Variants in CRAMP1 observed in about 807,000 individuals in gnomAD.
The protein encoded by CRAMP1 is cramped chromatin regulator 1.
Under a neutral mutation model 115.4 loss-of-function variants are expected in CRAMP1, and 50 were observed. That is an observed-to-expected ratio of 0.43 (90% CI 0.35 to 0.55). The LOEUF (loss-of-function observed/expected upper bound fraction) is 0.55. Among genes scored for constraint, CRAMP1 ranks in the 20% least tolerant of loss-of-function variants. The pLI, the probability that CRAMP1 is intolerant of heterozygous loss-of-function variation, is 0.01. For synonymous variants in CRAMP1, 866 were observed against 745.4 expected (o/e 1.16, Z -2.64); for missense variants, 1,679 against 1,721.7 (o/e 0.98, Z 0.44).
chr16:1,633,747 G>T (rs1335249631), intron 4 of CRAMP1, among the ~76,000 whole-genome samples: 1 of 152,164 alleles, frequency 6.6e-6, no homozygotes, highest in Admixed American at 6.5e-5. Flanking sequence ...TGTGTCGTCT[G>T]TCCTTTGCAT....
rs369476888 is a variant in CRAMP1 at position 1,653,166 on chromosome 16, C to A, written c.1037+10C>A. 1.4e-5 allele frequency: 23 copies of A among 1,605,066 alleles called. No homozygotes were observed. The African/African-American group carries it at 2.7e-4, about 19-fold the overall frequency. ...AGAACCCACGCCTCAGGTAACATGGCCCTTGGCACGCAGAGGGGTCCCAAC... is the reference window on the plus strand; with the variant it reads ...AGAACCCACGCCTCAGGTAACATGGACCTTGGCACGCAGAGGGGTCCCAAC... On this transcript the variant is annotated intron_variant, in intron 8 of 20. Transcript: ENST00000397412.
chr16:1,630,886 T>A (rs542602566), intron 3 of CRAMP1, among the ~76,000 whole-genome samples: 3 of 152,338 alleles, frequency 2.0e-5, no homozygotes, highest in Non-Finnish European at 4.4e-5. Flanking sequence ...TACCGTGTCC[T>A]TCTTGGCGCA....
chr16:1,628,200 G>T (rs918729962), intron 3 of CRAMP1, among the ~76,000 whole-genome samples: 1 of 152,180 alleles, frequency 6.6e-6, no homozygotes, highest in East Asian at 1.9e-4. Flanking sequence ...TCTGCTGTGG[G>T]TTCTCTGTAT....
chr16:1,660,441 T>C (rs538467287), intron 11 of CRAMP1, among the ~76,000 whole-genome samples: 1 of 152,296 alleles, frequency 6.6e-6, no homozygotes, highest in African/African-American at 2.4e-5. Context: ...AACCTCAGAA[T>C]AGAGAATCCT....
intron 6 of CRAMP1, among the ~76,000 whole-genome samples, chr16:1,641,751 A>G (rs1168242749): frequency 6.6e-6 from 1 of 152,142 alleles, no homozygotes; most frequent in Non-Finnish European, 1.5e-5. Flanking sequence ...GCTGCACTTC[A>G]GGGCAGGGCC....
intron 2 of CRAMP1, among the ~76,000 whole-genome samples, chr16:1,620,889 C>T (rs1159586258): frequency 6.6e-6 from 1 of 151,028 alleles, no homozygotes; most frequent in Non-Finnish European, 1.5e-5. Context: ...TGCCTGGTGA[C>T]TTCGGGGCTT....
Position 1,667,241 on chromosome 16 carries a change from G to A in CRAMP1, c.3037-94G>A, listed in dbSNP as rs1567462372. The A allele has an allele frequency of 9.3e-6, 9 of 971,030 alleles. No homozygotes were observed. The Middle Eastern group carries it at 1.0e-3, about 110-fold the overall frequency. The allele number at this position is 971,030 out of a possible 1,614,324, so 60.2% of individuals were successfully genotyped here. Reference sequence around the variant, plus strand: ...TCTGCTGTTAGGAGGCCAGGGGGATGGAACGCCTCTTTTTCTGGAACTCTG... The same window carrying A: ...TCTGCTGTTAGGAGGCCAGGGGGATAGAACGCCTCTTTTTCTGGAACTCTG... On this transcript the variant is annotated intron_variant, in intron 16 of 20. Transcript: ENST00000397412.
intron 4 of CRAMP1, among the ~76,000 whole-genome samples, chr16:1,633,735 C>T (rs2036564627): frequency 6.6e-6 from 1 of 152,164 alleles, no homozygotes; most frequent in African/African-American, 2.4e-5. Context: ...TCGGCCTCTT[C>T]CTGTGTCGTC....
chr16:1,640,234 T>TATTTC (rs2036620974), intron 5 of CRAMP1, among the ~76,000 whole-genome samples: 1 of 152,236 alleles, frequency 6.6e-6, no homozygotes, highest in Non-Finnish European at 1.5e-5. Flanking sequence ...GAAAATTCTT[T>TATTTC]ATTTCATCTT....
In CRAMP1 at chr16:1,674,280, C is replaced by G. The variant is rs1282012731; in HGVS notation, c.*235C>G. 1.8e-6 allele frequency: 1 copy of G among 557,208 alleles called. No individual in the cohort carries two copies. The highest frequency in any genetic ancestry group is 3.2e-6 in the Non-Finnish European group (1 of 311,714). The allele number at this position is 557,208 out of a possible 1,614,324, so 34.5% of individuals were successfully genotyped here. ...AAATCACTGTGGTACTAGAGCCGTT[C>G]TTCACCACGCCTGGGCCCATGTTAG... On this transcript the variant is annotated 3_prime_UTR_variant, in exon 21 of 21. Coordinates refer to ENST00000397412, the MANE Select transcript of CRAMP1 (RefSeq NM_020825.4).
Position 1,614,982 on chromosome 16 carries a change from A to G in CRAMP1, c.343A>G (p.Lys115Glu). Residue 115 changes from lysine to glutamate, a missense_variant, in exon 2 of 21, where the codon AAA becomes GAA. Physicochemically the swap from Lys to Glu is moderately conservative, Grantham distance 56. Around this residue, in one of 8 missense-constraint regions of CRAMP1, gnomAD observed 264 missense variants for 229.7 expected, o/e 1.15. Transcript: ENST00000397412. This position sits in a 1 kb window ranked among gnomAD's most constrained non-coding sequence, Gnocchi z 4.4. ...CGCCGGTGGCTCGGGGCCCCGCGGAAAAGGTAGGGCGGCCCGTCCCCTTGG... is the reference window on the plus strand; with the variant it reads ...CGCCGGTGGCTCGGGGCCCCGCGGAGAAGGTAGGGCGGCCCGTCCCCTTGG... ...GNAGGSGPRGKGAEGGGSSSG... is the reference protein window; with the variant it reads ...GNAGGSGPRGEGAEGGGSSSG... 8.0e-7 allele frequency: 1 copy of G among 1,252,426 alleles called. No homozygotes were observed. Among genetic ancestry groups the G allele is most frequent in the Non-Finnish European group, 1.0e-6 (1 of 997,846 alleles). 77.6% of individuals were successfully genotyped at this position (1,252,426 alleles called of 1,614,324 possible).
chr16:1,668,012 T>G lies in CRAMP1; in HGVS notation c.3153T>G (p.Asn1051Lys). The G allele has an allele frequency of 6.2e-7, 1 of 1,613,748 alleles. No individual in the cohort carries two copies. The highest frequency in any genetic ancestry group is 8.5e-7 in the Non-Finnish European group (1 of 1,179,786). The part of the protein sequence containing the change: ...LSELPKAPLQ[N>K]GLSIPLSSSE... ...AGCTGCCCAAGGCCCCTCTCCAGAA[T>G]GGCCTCTCCATACCGCTGTCCTCGT... Residue 1051 changes from asparagine (N) to lysine (K), a missense_variant, in exon 18 of 21, where the codon AAT becomes AAG. Asn to Lys is a moderately conservative substitution (Grantham distance 94). Coordinates refer to ENST00000397412, the MANE Select transcript of CRAMP1 (RefSeq NM_020825.4).
At chr16:1,615,448 T>C (rs2036410907) in intron 2 of CRAMP1, among the ~76,000 whole-genome samples, 1 of 152,186 alleles carries the variant, frequency 6.6e-6, no homozygotes, top group Non-Finnish European at 1.5e-5. Context: ...CCTTGGGGTC[T>C]GACTTGGACC....
intron 18 of CRAMP1, 138 bp from the exon 19 acceptor site, chr16:1,668,863 G>A: frequency 1.3e-6 from 1 of 788,248 alleles, no homozygotes; most frequent in Non-Finnish European, 2.1e-6. Flanking sequence ...CTCCTTACCT[G>A]CCGAGCCATG....
intron 18 of CRAMP1, among the ~76,000 whole-genome samples, chr16:1,668,462 T>C (rs914146489): frequency 3.9e-5 from 6 of 152,176 alleles, no homozygotes; most frequent in African/African-American, 1.4e-4. Context: ...AGCCTGGGGA[T>C]CACAGAGTGT....
chr16:1,667,338 T>C lies in CRAMP1; in HGVS notation c.3040T>C (p.Ser1014Pro). Residue 1014 changes from serine (S) to proline (P), a missense_variant, in exon 17 of 21, where the codon TCC (serine) becomes CCC (proline). Transcript: ENST00000397412. ...CATGGGCGTGCTCTTCCTGCAGGGC[T>C]CCGACCCATTTGTCAGCATCCCTTC... ...DGDTLPTVGG[S>P]DPFVSIPSRP... The C allele has an allele frequency of 1.9e-6, 3 of 1,613,152 alleles. No homozygotes were observed. Among genetic ancestry groups the C allele is most frequent in the Non-Finnish European group, 2.5e-6 (3 of 1,179,758 alleles).
At chr16:1,628,944 G>A (rs1021829244) in intron 3 of CRAMP1, among the ~76,000 whole-genome samples, 1 of 152,138 alleles carries the variant, frequency 6.6e-6, no homozygotes. Context: ...TCAGATTCGC[G>A]CCCGTCCAGT....
chr16:1,632,093 C>A, intron 3 of CRAMP1, 119 bp from the exon 4 acceptor site: 2 of 1,084,412 alleles, frequency 1.8e-6, no homozygotes, highest in South Asian at 1.7e-5. Context: ...GGAAGGGCTG[C>A]TTGTTTGACT....
chr16:1,623,108 G>C (rs2036479511), intron 2 of CRAMP1, among the ~76,000 whole-genome samples: 1 of 152,176 alleles, frequency 6.6e-6, no homozygotes, highest in African/African-American at 2.4e-5. Flanking sequence ...TGTTGTCCAG[G>C]CTTGTCTTGA....
Sources: gnomAD v4.1 joint callset for allele counts (sites outside exome capture counted in the v4.1 genomes callset) on GRCh38, gnomAD v4.1.1 for gene constraint, gnomAD v4.1.1 regional missense constraint, Gnocchi (gnomAD v3.1) non-coding constraint, MANE v1.5 for transcripts, NCBI Gene and HGNC (gene_info 2026-07-23, HGNC 2026-07-21) for gene names.